BZW2: variants seen among roughly 807,000 people sequenced by gnomAD.
The protein encoded by BZW2 is basic leucine zipper and W2 domains 2.
Under a neutral mutation model 53.2 loss-of-function variants are expected in BZW2, and 23 were observed. That is an observed-to-expected ratio of 0.43 (90% CI 0.31 to 0.61). The LOEUF is 0.61. Among genes scored for constraint, BZW2 ranks in the 20% least tolerant of loss-of-function variants. BZW2 has a pLI of 0.09. For synonymous variants in BZW2, 227 were observed against 186.4 expected, an observed-to-expected ratio of 1.22 and a Z score of -1.77; for missense variants, 409 against 503.1, an observed-to-expected ratio of 0.81 and a Z score of 1.79.
intron 11 of BZW2, among the ~76,000 whole-genome samples, chr7:16,705,232 G>A (rs1017121765): frequency 5.3e-5 from 8 of 152,034 alleles, no homozygotes; most frequent in African/African-American, 1.7e-4. Context: ...GGTGGCTCAC[G>A]CCTGTAGTCC....
intron 7 of BZW2, 22 bp downstream of exon 7, chr7:16,689,928 A>G (rs1304611880): frequency 1.3e-6 from 2 of 1,582,682 alleles, no homozygotes; most frequent in Non-Finnish European, 1.7e-6. Context: ...CTGGTTAAAG[A>G]GTTGTATGTA....
At chr7:16,658,381 T>G (rs1323863655) in intron 1 of BZW2, among the ~76,000 whole-genome samples, 2 of 152,208 alleles carry the variant, frequency 1.3e-5, no homozygotes, top group East Asian at 3.8e-4. Context: ...ATTTTTATTT[T>G]TATTTAAAAG....
intron 6 of BZW2, chr7:16,687,191 G>T (rs191863239): frequency 6.6e-6 from 1 of 151,814 alleles, no homozygotes; most frequent in Non-Finnish European, 1.5e-5. Context: ...AAGCAAATAC[G>T]GCAAAATATT....
At chr7:16,673,477 G>C (rs555242038) in intron 2 of BZW2, among the ~76,000 whole-genome samples, 1 of 152,082 alleles carries the variant, frequency 6.6e-6, no homozygotes, top group Non-Finnish European at 1.5e-5. Context: ...ATTAAGCCAG[G>C]CATTAAAGAG....
intron 8 of BZW2, 74 bp downstream of exon 8, chr7:16,695,078 T>G: frequency 2.2e-6 from 3 of 1,370,228 alleles, no homozygotes; most frequent in Admixed American, 2.2e-5. Flanking sequence ...TAGCAAAGGC[T>G]TTCCTTAACA....
intron 3 of BZW2, among the ~76,000 whole-genome samples, chr7:16,678,177 A>G (rs1240144793): frequency 7.3e-6 from 1 of 136,960 alleles, no homozygotes; most frequent in East Asian, 2.2e-4. Context: ...TCAGGCAATT[A>G]TCTCGAGTAG....
At chr7:16,698,300 A>G (rs1238993442) in intron 10 of BZW2, 114 bp downstream of exon 10, 1 of 1,379,578 alleles carries the variant, frequency 7.2e-7, no homozygotes, top group African/African-American at 1.4e-5. Context: ...AGGGACAGCA[A>G]GATGCTAATT....
intron 7 of BZW2, among the ~76,000 whole-genome samples, chr7:16,690,779 A>G (rs900752193): frequency 6.6e-6 from 1 of 152,238 alleles, no homozygotes; most frequent in Non-Finnish European, 1.5e-5. Context: ...GAAAATCCAG[A>G]AAAATATTTT....
intron 3 of BZW2, 57 bp from the exon 4 acceptor site, chr7:16,681,244 C>G (rs1782935208): frequency 7.5e-7 from 1 of 1,340,272 alleles, no homozygotes; most frequent in Non-Finnish European, 1.1e-6. Context: ...ATGTGTTCTG[C>G]AAATGCTGTT....
chr7:16,666,410 T>TTTATTTATTTATTTAA, intron 2 of BZW2, among the ~76,000 whole-genome samples: 1 of 151,080 alleles, frequency 6.6e-6, no homozygotes, highest in Admixed American at 6.6e-5. Flanking sequence ...TATTTATTTA[T>TTTATTTATTTATTTAA]TTATTTATTT....
At chr7:16,705,134 A>T (rs1783797739) in intron 11 of BZW2, among the ~76,000 whole-genome samples, 1 of 152,084 alleles carries the variant, frequency 6.6e-6, no homozygotes, top group East Asian at 1.9e-4. Context: ...AGGTGGGTGG[A>T]TCACCTGAGG....
intron 2 of BZW2, 134 bp downstream of exon 2, chr7:16,665,635 A>G: frequency 7.1e-7 from 1 of 1,408,236 alleles, no homozygotes; most frequent in South Asian, 1.3e-5. Context: ...TAGAATCTGA[A>G]GTGCTTTAGT....
chr7:16,670,250 T>A (rs1385295555), intron 2 of BZW2, among the ~76,000 whole-genome samples: 1 of 152,232 alleles, frequency 6.6e-6, no homozygotes, highest in Admixed American at 6.5e-5. Context: ...CTATCTTCCT[T>A]TTTCTGTTTG....
At chr7:16,682,895 G>A (rs775680728) in intron 5 of BZW2, 50 bp downstream of exon 5, 7 of 1,325,736 alleles carry the variant, frequency 5.3e-6, no homozygotes, top group South Asian at 2.7e-5. Flanking sequence ...TGACATGGGG[G>A]TGGATAAAAA....
chr7:16,706,317 TAA>T lies in BZW2; in HGVS notation c.*230_*231del. 2.0e-6 allele frequency: 1 copy of T among 496,976 alleles called. No homozygotes were observed. The allele number at this position is 496,976 out of a possible 1,614,324, so 30.8% of individuals were successfully genotyped here. A position where few individuals can be genotyped will look rare whatever the true frequency, so the allele number is the denominator to read the frequency against. ...ACTCTACCTCTCACTCACTATATGCTAACTTAAAGCCATTCAACAAGGAGTCA... is the reference window on the plus strand; with the variant it reads ...ACTCTACCTCTCACTCACTATATGCTCTTAAAGCCATTCAACAAGGAGTCA... On this transcript the variant is annotated 3_prime_UTR_variant, in exon 12 of 12. Coordinates refer to ENST00000258761, the MANE Select transcript of BZW2 (RefSeq NM_014038.3).
intron 3 of BZW2, 111 bp from the exon 4 acceptor site, chr7:16,681,190 A>G (rs991328709): frequency 5.9e-6 from 5 of 843,452 alleles, no homozygotes; most frequent in African/African-American, 5.1e-5. Flanking sequence ...TGACTCTTAG[A>G]TTTTACATCT....
At chr7:16,689,656 C>T (rs1783239882) in intron 6 of BZW2, 141 bp from the exon 7 acceptor site, 8 of 528,572 alleles carry the variant, frequency 1.5e-5, no homozygotes, top group Non-Finnish European at 2.6e-5. Context: ...GAGAATTTGC[C>T]TAGAGGTCTA....
chr7:16,671,738 C>T (rs915311736), intron 2 of BZW2, among the ~76,000 whole-genome samples: 1 of 151,986 alleles, frequency 6.6e-6, no homozygotes, highest in African/African-American at 2.4e-5. Flanking sequence ...TGAGACCAGC[C>T]TATGCAACAT....
chr7:16,685,693 A>G (rs1783094544), intron 5 of BZW2, among the ~76,000 whole-genome samples: 1 of 152,100 alleles, frequency 6.6e-6, no homozygotes, highest in South Asian at 2.1e-4. Context: ...TTAACTGAGA[A>G]GAAAGGAACT....
Sources: allele counts gnomAD v4.1 joint callset (sites outside exome capture counted in the v4.1 genomes callset), GRCh38; gene constraint gnomAD v4.1.1; transcripts MANE v1.5; gene names NCBI Gene and HGNC (gene_info 2026-07-23, HGNC 2026-07-21).